Variants in UVSSA observed in about 807,000 individuals in gnomAD.
The protein encoded by UVSSA is UV-stimulated scaffold protein A.
In UVSSA, 72 loss-of-function variants were observed where a neutral mutation model predicts 73.9. That is an observed-to-expected ratio of 0.97 (90% CI 0.81 to 1.19). The LOEUF is 1.19. Among genes scored for constraint, UVSSA ranks in the 50% most tolerant of loss-of-function variants. The pLI is 0.00. For synonymous variants in UVSSA, 454 were observed against 391.3 expected, an observed-to-expected ratio of 1.16 and a Z score of -1.89; for missense variants, 1,150 against 965.0, an observed-to-expected ratio of 1.19 and a Z score of -2.54.
chr4:1,382,732 C>G (rs758012587), intron 12 of UVSSA, among the ~76,000 whole-genome samples: 13 of 152,228 alleles, frequency 8.5e-5, no homozygotes, highest in Non-Finnish European at 1.5e-4. Flanking sequence ...TATTCCTTCA[C>G]TTCAAAGAAT....
At chr4:1,394,265 T>C in exon 14 of UVSSA, 1 of 762,508 alleles carries the variant, frequency 1.3e-6, no homozygotes, top group Non-Finnish European at 2.0e-6. Context: ...CCTCAGATCT[T>C]CCTTTCATGA....
chr4:1,388,614 A>C (rs1488788987), downstream of UVSSA: 1 of 152,108 alleles, frequency 6.6e-6, no homozygotes, highest in East Asian at 1.9e-4. Context: ...AGATGCTTCT[A>C]TCAGGTTGAA....
At position 1,366,447 on chromosome 4, in the gene UVSSA, C is replaced by T. The variant is rs568408886; in HGVS notation, c.1288+16C>T. 1.7e-4 allele frequency: 269 copies of T among 1,584,200 alleles called. No individual in the cohort carries two copies. In the Middle Eastern group the frequency reaches 2.2e-3, roughly 13 times the overall value. On this transcript the variant is annotated intron_variant, in intron 8 of 13. Transcript: ENST00000389851. ...CCTGAGTATGGTGAGCAGTGGGTCC[C>T]GTGGGGGGGGCACCTGGGTGGAGGG...
intron 7 of UVSSA, among the ~76,000 whole-genome samples, chr4:1,360,765 G>T (rs996185330): frequency 6.6e-6 from 1 of 152,182 alleles, no homozygotes; most frequent in Admixed American, 6.5e-5. Context: ...AGCTTTCTCC[G>T]CAGAGCTCGG....
At chr4:1,363,765 A>T (rs1470960206) in intron 7 of UVSSA, among the ~76,000 whole-genome samples, 1 of 152,216 alleles carries the variant, frequency 6.6e-6, no homozygotes, top group Non-Finnish European at 1.5e-5. Context: ...GTCATTTCCA[A>T]AGAGTATAAT....
chr4:1,353,678 C>A (rs898231492), intron 5 of UVSSA, among the ~76,000 whole-genome samples: 1 of 152,166 alleles, frequency 6.6e-6, no homozygotes, highest in Non-Finnish European at 1.5e-5. Context: ...AGAGTAAGGA[C>A]CCACAGGATT....
At chr4:1,357,789 G>C (rs949309814) in intron 7 of UVSSA, among the ~76,000 whole-genome samples, 3 of 152,226 alleles carry the variant, frequency 2.0e-5, no homozygotes, top group African/African-American at 7.2e-5. Flanking sequence ...CCTGCTGGCC[G>C]TGCCCTTCTG....
At chr4:1,388,988 A>C (rs1055056549), downstream of UVSSA, 1 of 152,126 alleles carries the variant, frequency 6.6e-6, no homozygotes, top group African/African-American at 2.4e-5. Flanking sequence ...TTTTTGGAAG[A>C]GTTTGTGAAA....
intron 4 of UVSSA, 96 bp from the exon 5 acceptor site, chr4:1,352,934 C>A: frequency 1.4e-6 from 2 of 1,476,838 alleles, no homozygotes; most frequent in South Asian, 1.4e-5. Context: ...TGAAAAGTGA[C>A]ACCCTGCGGG....
intron 10 of UVSSA, among the ~76,000 whole-genome samples, chr4:1,376,707 G>A (rs906871273): frequency 2.6e-5 from 4 of 152,228 alleles, no homozygotes; most frequent in Non-Finnish European, 4.4e-5. Flanking sequence ...TCATCTGTGC[G>A]AAAGTCCGGA....
At chr4:1,365,631 G>A (rs1294554096) in intron 7 of UVSSA, among the ~76,000 whole-genome samples, 1 of 152,234 alleles carries the variant, frequency 6.6e-6, no homozygotes, top group Admixed American at 6.5e-5. Context: ...AATGGAGGTG[G>A]TTTTCATACA....
In UVSSA at chr4:1,353,479, A is replaced by G. The variant is rs894548524; in HGVS notation, c.934+66A>G. On this transcript the variant is annotated intron_variant, in intron 5 of 13. Transcript: ENST00000389851. ...CGGCTCCCGGGTAGGCTCCTCCCTC[A>G]CTGGCACCCGGCCCAGGAGCCTGGG... 9.8e-6 allele frequency: 14 copies of G among 1,423,606 alleles called. No individual in the cohort carries two copies. In the Admixed American group the frequency reaches 4.1e-4, roughly 42 times the overall value. 88.2% of individuals were successfully genotyped at this position (1,423,606 alleles called of 1,614,324 possible). A position where few individuals can be genotyped will look rare whatever the true frequency, so the allele number is the denominator to read the frequency against.
At chr4:1,353,900 C>T (rs1042330720) in intron 5 of UVSSA, among the ~76,000 whole-genome samples, 5 of 152,328 alleles carry the variant, frequency 3.3e-5, no homozygotes, top group South Asian at 2.1e-4. Flanking sequence ...GCAGCCTTGG[C>T]ACTGCAGCCT....
chr4:1,375,963 G>C, intron 9 of UVSSA, 71 bp from the exon 10 acceptor site: 1 of 1,545,564 alleles, frequency 6.5e-7, no homozygotes, highest in East Asian at 2.4e-5. Context: ...CTGTGGGGGT[G>C]GGGAGGGAGA....
At chr4:1,362,002 G>A (rs189091127) in intron 7 of UVSSA, among the ~76,000 whole-genome samples, 37 of 152,302 alleles carry the variant, frequency 2.4e-4, no homozygotes, top group African/African-American at 8.7e-4. Flanking sequence ...CTCCCAGCCT[G>A]TGTGTGGCGG....
intron 12 of UVSSA, among the ~76,000 whole-genome samples, chr4:1,383,439 C>T (rs1450637292): frequency 1.3e-5 from 2 of 152,170 alleles, no homozygotes; most frequent in Non-Finnish European, 2.9e-5. Context: ...CTGGGAGGCC[C>T]ATGGGTGCCC....
chr4:1,391,504 TC>T (rs1166339461), downstream of UVSSA: 1 of 152,280 alleles, frequency 6.6e-6, no homozygotes, highest in African/African-American at 2.4e-5. Flanking sequence ...TCTATTTCTT[TC>T]TGATGAACAG....
At position 1,355,256 on chromosome 4, in the gene UVSSA, AGGC is replaced by A. The variant is rs1251488299; in HGVS notation, c.1176+16_1176+18del. The A allele has an allele frequency of 6.3e-7, 1 of 1,594,884 alleles. No homozygotes were observed. Among genetic ancestry groups the A allele is most frequent in the Non-Finnish European group, 8.5e-7 (1 of 1,169,878 alleles). The stretch of plus-strand genomic sequence containing the variant: ...GGGGAAAGGCGCAGGGTGAGTGGGC[AGGC>A]GGCGAGCGGGAAGGGGTCCCAGAGG... On this transcript the variant is annotated intron_variant, in intron 7 of 13. Coordinates refer to ENST00000389851, the MANE Select transcript of UVSSA (RefSeq NM_020894.4).
rs1274547185 is a variant in UVSSA, at chr4:1,361,270, C to T, written c.1177-5050C>T. On this transcript the variant is annotated intron_variant, in intron 7 of 13. Coordinates refer to ENST00000389851, the MANE Select transcript of UVSSA (RefSeq NM_020894.4). ...GGACTCCAGGAAGCGGCCCGAGGCC[C>T]ACCATGCTGGCTGGCAGCTCCCAAG... 1.3e-5 allele frequency among the ~76,000 whole-genome samples: 2 copies of T among 152,244 alleles called. 1 individual carries two copies. Among genetic ancestry groups the T allele is most frequent in the Non-Finnish European group, 2.9e-5 (2 of 68,032 alleles).
Sources: gnomAD v4.1 joint callset for allele counts (sites outside exome capture counted in the v4.1 genomes callset) on GRCh38, gnomAD v4.1.1 for gene constraint, MANE v1.5 for transcripts, NCBI Gene and HGNC (gene_info 2026-07-23, HGNC 2026-07-21) for gene names.